ULK4: variants seen among roughly 807,000 people sequenced by gnomAD.
The protein encoded by ULK4 is unc-51 like kinase 4.
In ULK4, 133 loss-of-function variants were observed where a neutral mutation model predicts 160.6. That is an observed-to-expected ratio of 0.83 (90% CI 0.72 to 0.96). ULK4 has a LOEUF of 0.96. Among genes scored for constraint, ULK4 ranks in the 40% least tolerant of loss-of-function variants. The pLI, the probability that ULK4 is intolerant of heterozygous loss-of-function variation, is 0.00. For synonymous variants in ULK4, 534 were observed against 539.8 expected, an observed-to-expected ratio of 0.99 and a Z score of 0.15; for missense variants, 1,580 against 1,499.5, an observed-to-expected ratio of 1.05 and a Z score of -0.89.
At chr3:41,457,373 C>A (rs914558093) in intron 33 of ULK4, among the ~76,000 whole-genome samples, 1 of 152,126 alleles carries the variant, frequency 6.6e-6, no homozygotes, top group Non-Finnish European at 1.5e-5. Context: ...ACGTCATAGT[C>A]GCCAAGAAAC....
At chr3:41,359,023 G>A (rs1262631556) in intron 35 of ULK4, among the ~76,000 whole-genome samples, 1 of 152,226 alleles carries the variant, frequency 6.6e-6, no homozygotes, top group South Asian at 2.1e-4. Flanking sequence ...GGGGTGGAGT[G>A]TGAGAGAGGG....
intron 17 of ULK4, among the ~76,000 whole-genome samples, chr3:41,879,484 A>C (rs1480477360): frequency 6.6e-6 from 1 of 151,930 alleles, no homozygotes; most frequent in African/African-American, 2.4e-5. Flanking sequence ...TATATGTTGA[A>C]ATTTTCCATA....
chr3:41,930,222 C>A (rs555462148), intron 5 of ULK4, among the ~76,000 whole-genome samples: 2 of 151,866 alleles, frequency 1.3e-5, no homozygotes, highest in East Asian at 1.9e-4. Context: ...CAAAAACAAG[C>A]AATGGGGAAA....
At chr3:41,726,961 A>G (rs1446205134) in intron 22 of ULK4, among the ~76,000 whole-genome samples, 3 of 152,058 alleles carry the variant, frequency 2.0e-5, no homozygotes, top group African/African-American at 7.2e-5. Context: ...TATCTTTAAC[A>G]GTATTATTTC....
At chr3:41,702,855 G>GTTTTTTTTTTT in intron 27 of ULK4, among the ~76,000 whole-genome samples, 1 of 146,250 alleles carries the variant, frequency 6.8e-6, no homozygotes, top group African/African-American at 2.7e-5. Flanking sequence ...TTTTTTTTTG[G>GTTTTTTTTTTT]TTTTGTTTTT....
intron 32 of ULK4, among the ~76,000 whole-genome samples, chr3:41,484,902 C>G (rs190583546): frequency 6.6e-6 from 1 of 152,258 alleles, no homozygotes; most frequent in East Asian, 1.9e-4. Context: ...TAAAACTCTA[C>G]ATAAAATTAT....
intron 18 of ULK4, among the ~76,000 whole-genome samples, chr3:41,828,706 A>C (rs896336209): frequency 6.6e-6 from 1 of 151,828 alleles, no homozygotes; most frequent in East Asian, 1.9e-4. Context: ...GTATCGTGAA[A>C]ATGGCCATAC....
intron 1 of ULK4, among the ~76,000 whole-genome samples, chr3:41,957,448 C>CAAA (rs11455719): frequency 0.51 from 49,686 of 96,966 alleles, 14,663 homozygotes; most frequent in East Asian, 0.74. Flanking sequence ...GAGCACCACT[C>CAAA]AAAAAAAAAA....
chr3:41,804,632 T>A (rs548561053), intron 19 of ULK4, among the ~76,000 whole-genome samples: 44 of 152,234 alleles, frequency 2.9e-4, no homozygotes, highest in African/African-American at 1.0e-3. Flanking sequence ...CATTTAAGTC[T>A]TTAATCCATC....
chr3:41,753,245 C>T (rs930240001), intron 22 of ULK4, among the ~76,000 whole-genome samples: 6 of 152,012 alleles, frequency 3.9e-5, no homozygotes, highest in African/African-American at 1.4e-4. Context: ...AATTTGTTGT[C>T]TTGTTTGTTA....
chr3:41,858,669 G>GTTTTTT, intron 17 of ULK4, among the ~76,000 whole-genome samples: 2 of 127,040 alleles, frequency 1.6e-5, no homozygotes, highest in African/African-American at 7.0e-5. Context: ...ATTTTTGTGT[G>GTTTTTT]ATTTTTTTTT....
chr3:41,852,526 T>A (rs1300641023), intron 17 of ULK4, among the ~76,000 whole-genome samples: 1 of 152,146 alleles, frequency 6.6e-6, no homozygotes, highest in Non-Finnish European at 1.5e-5. Flanking sequence ...ATAAAATATC[T>A]TTATAAAATG....
intron 30 of ULK4, among the ~76,000 whole-genome samples, chr3:41,648,312 C>T (rs950824452): frequency 2.0e-5 from 3 of 152,102 alleles, no homozygotes; most frequent in South Asian, 2.1e-4. Context: ...AGCTGTAGAC[C>T]GGAGCTGTTC....
chr3:41,854,545 T>C (rs1324088998), intron 17 of ULK4, among the ~76,000 whole-genome samples: 3 of 152,106 alleles, frequency 2.0e-5, no homozygotes, highest in Non-Finnish European at 4.4e-5. Flanking sequence ...CAACGGTAAA[T>C]TGAGCATCAG....
intron 29 of ULK4, among the ~76,000 whole-genome samples, chr3:41,667,395 TTTTAG>T (rs1172158258): frequency 1.3e-5 from 2 of 152,206 alleles, no homozygotes; most frequent in East Asian, 1.9e-4. Context: ...ATTGAATATA[TTTTAG>T]TTTAATCAAA....
At chr3:41,644,118 C>T (rs1246941611) in intron 30 of ULK4, among the ~76,000 whole-genome samples, 2 of 152,100 alleles carry the variant, frequency 1.3e-5, no homozygotes, top group African/African-American at 4.8e-5. Context: ...TTTCTAGATA[C>T]ACAATCATGT....
chr3:41,545,590 G>A (rs114788504), intron 32 of ULK4, among the ~76,000 whole-genome samples: 160 of 152,096 alleles, frequency 1.1e-3, no homozygotes, highest in African/African-American at 3.5e-3. Context: ...TTTGACTATC[G>A]TGTGCTTAGG....
At chr3:41,930,346 G>A (rs1699550458) in intron 5 of ULK4, among the ~76,000 whole-genome samples, 1 of 151,966 alleles carries the variant, frequency 6.6e-6, no homozygotes, top group South Asian at 2.1e-4. Flanking sequence ...ATTCAAGATG[G>A]ATTAAAGACT....
intron 17 of ULK4, among the ~76,000 whole-genome samples, chr3:41,840,554 T>C (rs1015788010): frequency 3.3e-5 from 5 of 152,212 alleles, no homozygotes; most frequent in Admixed American, 1.3e-4. Flanking sequence ...TTTTGTATTT[T>C]TGGAGGAGAC....
Sources: gnomAD v4.1 joint callset for allele counts (sites outside exome capture counted in the v4.1 genomes callset) on GRCh38, gnomAD v4.1.1 for gene constraint, MANE v1.5 for transcripts, NCBI Gene and HGNC (gene_info 2026-07-23, HGNC 2026-07-21) for gene names.